The following MRPL48 variants were observed in gnomAD, a reference collection of about 807,000 sequenced individuals.
The protein encoded by MRPL48 is large ribosomal subunit protein mL48.
In MRPL48, 16 loss-of-function variants were observed where a neutral mutation model predicts 32.9. That is an observed-to-expected ratio of 0.49 (90% CI 0.33 to 0.74). MRPL48 has a LOEUF of 0.74. MRPL48 is among the 30% of genes least tolerant of loss of function. The pLI is 0.02. For missense variants in MRPL48, 206 were observed against 245.3 expected (o/e 0.84, Z 1.07); for synonymous variants, 94 against 89.2 (o/e 1.05, Z -0.31).
Position 73,823,765 on chromosome 11 carries a change from C to T in MRPL48, c.113-1943C>T, listed in dbSNP as rs1245567160. Reference sequence around the variant, plus strand: ...CTCAAACTCCTAGTCTCAAGCAATCCTCCTGCCTCAGCCTCCTGAGTAGCT... The same window carrying T: ...CTCAAACTCCTAGTCTCAAGCAATCTTCCTGCCTCAGCCTCCTGAGTAGCT... On this transcript the variant is annotated intron_variant, in intron 3 of 7. Transcript: ENST00000310614. Among the ~76,000 whole-genome samples the T allele has an allele frequency of 5.3e-5, 8 of 151,002 alleles. No individual in the cohort carries two copies. The East Asian group carries it at 1.2e-3, about 22-fold the overall frequency.
chr11:73,848,383 T>C (rs992427939), intron 5 of MRPL48, among the ~76,000 whole-genome samples: 1 of 152,148 alleles, frequency 6.6e-6, no homozygotes, highest in African/African-American at 2.4e-5. Context: ...CAACTCTAAC[T>C]TTGTTCTTCT....
rs977156835 is a variant in MRPL48, at chr11:73,852,517, C to G, written c.372-7390C>G. On this transcript the variant is annotated intron_variant, in intron 5 of 7. Coordinates refer to ENST00000310614, the MANE Select transcript of MRPL48 (RefSeq NM_016055.6). Reference sequence around the variant, plus strand: ...GCCTATGAAAAAGTGCTCAACATCACTGATCGTCAGAGAAATGCAAATCAA... The same window carrying G: ...GCCTATGAAAAAGTGCTCAACATCAGTGATCGTCAGAGAAATGCAAATCAA... Among the ~76,000 whole-genome samples, 7 of 151,938 alleles carry G rather than the reference C, an allele frequency of 4.6e-5. No homozygotes were observed. The East Asian group carries it at 1.4e-3, about 29-fold the overall frequency.
intron 5 of MRPL48, among the ~76,000 whole-genome samples, chr11:73,850,209 T>C (rs1440611270): frequency 6.6e-6 from 1 of 151,782 alleles, no homozygotes; most frequent in Non-Finnish European, 1.5e-5. Context: ...TTTTTTTTTT[T>C]ACACTGAGTC....
chr11:73,857,022 G>A (rs895144665), intron 5 of MRPL48, among the ~76,000 whole-genome samples: 5 of 151,910 alleles, frequency 3.3e-5, no homozygotes, highest in African/African-American at 1.2e-4. Context: ...GCCCCTTCTT[G>A]TCCCTATAGT....
At chr11:73,837,256 G>A (rs1325631871) in intron 4 of MRPL48, among the ~76,000 whole-genome samples, 2 of 152,184 alleles carry the variant, frequency 1.3e-5, no homozygotes, top group African/African-American at 2.4e-5. Flanking sequence ...TTAAAGGAGA[G>A]AGCCTGGGCT....
At chr11:73,823,148 T>C (rs1947812752) in intron 3 of MRPL48, 1 of 294,332 alleles carries the variant, frequency 3.4e-6, no homozygotes, top group Admixed American at 3.6e-5. Context: ...TGTAATATGC[T>C]TGAATCATCC....
At chr11:73,805,194 T>C in intron 2 of MRPL48, 115 bp downstream of exon 2, 1 of 821,080 alleles carries the variant, frequency 1.2e-6, no homozygotes, top group Non-Finnish European at 1.9e-6. Flanking sequence ...ATCATGCATC[T>C]CCCCTGCCAC....
At position 73,805,586 on chromosome 11, in the gene MRPL48, G is replaced by A. The variant is rs139769630; in HGVS notation, c.74+507G>A. Among the ~76,000 whole-genome samples, 48 of 151,444 alleles carry A rather than the reference G, an allele frequency of 3.2e-4. 1 individual carries two copies. The highest frequency in any genetic ancestry group is 9.8e-4 in the East Asian group (5 of 5,120). Reference sequence around the variant, plus strand: ...GCTGGAATTACAGGTGTGGGCCCCCGCGTCCAGCCAGATGCTGTTAATTCT... The same window carrying A: ...GCTGGAATTACAGGTGTGGGCCCCCACGTCCAGCCAGATGCTGTTAATTCT... On this transcript the variant is annotated intron_variant, in intron 2 of 7. Transcript: ENST00000310614.
chr11:73,828,288 G>A lies in MRPL48; in HGVS notation c.201+2492G>A, dbSNP rs186365830. Among the ~76,000 whole-genome samples the A allele has an allele frequency of 1.1e-4, 16 of 149,682 alleles. No individual in the cohort carries two copies. The East Asian group carries it at 3.1e-3, about 29-fold the overall frequency. ...CGCACAGGCTGGAGTGCAGTGGTGC[G>A]ATCTCGGCTCACTACAACCTCTGCC... On this transcript the variant is annotated intron_variant, in intron 4 of 7. Coordinates refer to ENST00000310614, the MANE Select transcript of MRPL48 (RefSeq NM_016055.6).
In MRPL48 at chr11:73,844,811, A is replaced by C; in HGVS notation, c.206A>C (p.Lys69Thr). Residue 69 changes from lysine to threonine, a missense_variant, in exon 5 of 8, where the codon AAG (lysine) becomes ACG (threonine). Lys to Thr is a moderately conservative substitution (Grantham distance 78). Transcript: ENST00000310614. ...CTCTCTTTGTTTTCTCTTCAGCCCAAGAAGAAGAAGGGAAAAGTGGAAGTG... is the reference window on the plus strand; with the variant it reads ...CTCTCTTTGTTTTCTCTTCAGCCCACGAAGAAGAAGGGAAAAGTGGAAGTG... ...YKHLIKAEEPKKKKGKVEVRA... is the reference protein window; with the variant it reads ...YKHLIKAEEPTKKKGKVEVRA... 1 of 1,605,234 alleles carries C rather than the reference A, an allele frequency of 6.2e-7. No homozygotes were observed. The highest frequency in any genetic ancestry group is 1.3e-5 in the African/African-American group (1 of 74,728).
chr11:73,851,064 C>G (rs967539349), intron 5 of MRPL48: 7 of 503,198 alleles, frequency 1.4e-5, no homozygotes, highest in African/African-American at 1.4e-4. Flanking sequence ...TGGCTGGCAT[C>G]AATTTTCCCT....
chr11:73,844,821 G>A lies in MRPL48; in HGVS notation c.216G>A (p.Lys72=), dbSNP rs1451687488. ...LIKAEEPKKK[K]GKVEVRAINL... ...TTTCTCTTCAGCCCAAGAAGAAGAA[G>A]GGAAAAGTGGAAGTGAGAGCCATTA... The change falls in exon 5 of 8, where the codon AAG becomes AAA. Residue 72 remains lysine (K), a synonymous_variant. Transcript: ENST00000310614. 1 of 1,612,884 alleles carries A rather than the reference G, an allele frequency of 6.2e-7. No individual in the cohort carries two copies. The highest frequency in any genetic ancestry group is 1.3e-5 in the African/African-American group (1 of 74,902).
intron 4 of MRPL48, among the ~76,000 whole-genome samples, chr11:73,834,792 A>C (rs74455944): frequency 0.056 from 8,282 of 148,850 alleles, 251 homozygotes; most frequent in Middle Eastern, 0.11. Context: ...GCCTCAGCCT[A>C]CCAAAGTGCT....
chr11:73,823,011 A>C, intron 3 of MRPL48: 1 of 452,944 alleles, frequency 2.2e-6, no homozygotes, highest in Non-Finnish European at 4.4e-6. Context: ...CATCACCCCC[A>C]GATGGGACTG....
chr11:73,810,413 C>T (rs1005398753), intron 3 of MRPL48, among the ~76,000 whole-genome samples: 6 of 151,950 alleles, frequency 3.9e-5, no homozygotes, highest in Admixed American at 3.3e-4. Context: ...CCCAGCTACT[C>T]GGGAGGCTGA....
intron 5 of MRPL48, among the ~76,000 whole-genome samples, chr11:73,858,788 T>C (rs944965813): frequency 6.6e-6 from 1 of 152,230 alleles, no homozygotes; most frequent in African/African-American, 2.4e-5. Flanking sequence ...GTCTTCACAA[T>C]TCTCTGTTGA....
chr11:73,796,829 C>G (rs1375887915), intron 1 of MRPL48, among the ~76,000 whole-genome samples: 3 of 152,162 alleles, frequency 2.0e-5, no homozygotes, highest in African/African-American at 4.8e-5. Flanking sequence ...CTTTGGGAGG[C>G]TAAGGCAGGC....
intron 5 of MRPL48, 101 bp downstream of exon 5, chr11:73,845,077 T>C: frequency 8.5e-7 from 1 of 1,183,176 alleles, no homozygotes; most frequent in Non-Finnish European, 1.2e-6. Context: ...TGTAGTAAAA[T>C]TAACTCTTTT....
chr11:73,822,900 C>T (rs142780552), intron 3 of MRPL48: 65 of 400,518 alleles, frequency 1.6e-4, no homozygotes, highest in Non-Finnish European at 2.7e-4. Context: ...GTTAGATTCT[C>T]ATAGGAGCAT....
Sources: allele counts gnomAD v4.1 joint callset (sites outside exome capture counted in the v4.1 genomes callset), GRCh38; gene constraint gnomAD v4.1.1; transcripts MANE v1.5; gene names NCBI Gene and HGNC (gene_info 2026-07-23, HGNC 2026-07-21).